The following PCYT1B variants were observed in gnomAD, a reference collection of about 807,000 sequenced individuals.
PCYT1B encodes phosphate cytidylyltransferase 1B, choline, also known as choline-phosphate cytidylyltransferase B.
PCYT1B carries 10 observed loss-of-function variants against 26.4 expected under a neutral mutation model. That is an observed-to-expected ratio of 0.38 (90% CI 0.23 to 0.64). The LOEUF (loss-of-function observed/expected upper bound fraction) is 0.64. Among genes scored for constraint, PCYT1B ranks in the 30% least tolerant of loss-of-function variants. The pLI, the probability that PCYT1B is intolerant of heterozygous loss-of-function variation, is 0.56. For synonymous variants in PCYT1B, 131 were observed against 108.4 expected (o/e 1.21, Z -1.29); for missense variants, 161 against 292.7 (o/e 0.55, Z 3.28).
rs996119726 is a variant in PCYT1B at position 24,629,014 on chromosome X, T to C, written c.118-9930A>G. ...ATTACAACGTATGAAAGCACCTATC[T>C]TGCTGCCATCTCACTGGCATTGAGT... On this transcript the variant is annotated intron_variant, in intron 1 of 7. Transcript: ENST00000379144. Among the ~76,000 whole-genome samples, 4 of 112,130 alleles carry C rather than the reference T, an allele frequency of 3.6e-5. No homozygotes were observed. In the Admixed American group the frequency reaches 3.8e-4, roughly 11 times the overall value.
upstream of PCYT1B, among the ~76,000 whole-genome samples, chrX:24,651,506 TA>T (rs1926780463): frequency 1.7e-5 from 1 of 59,762 alleles, no homozygotes; most frequent in African/African-American, 5.6e-5. Context: ...TATATATATA[TA>T]TATATATTCA....
intron 1 of PCYT1B, among the ~76,000 whole-genome samples, chrX:24,628,136 A>G (rs1034277326): frequency 4.5e-5 from 5 of 111,921 alleles, no homozygotes; most frequent in African/African-American, 1.6e-4. Flanking sequence ...AGAGTATGTG[A>G]TATATAAAGC....
intron 2 of PCYT1B, among the ~76,000 whole-genome samples, chrX:24,608,422 C>T (rs993660688): frequency 3.6e-5 from 4 of 111,757 alleles, no homozygotes; most frequent in Admixed American, 1.9e-4. Flanking sequence ...GCTTATTTCC[C>T]GCTAGAGGAC....
intron 1 of PCYT1B, among the ~76,000 whole-genome samples, chrX:24,630,739 T>C (rs911511132): frequency 8.9e-6 from 1 of 112,238 alleles, no homozygotes; most frequent in African/African-American, 3.2e-5. Flanking sequence ...AAAGTTAATG[T>C]TGTCCTTAAG....
intron 1 of PCYT1B, among the ~76,000 whole-genome samples, chrX:24,661,715 T>C (rs1441021237): frequency 8.9e-6 from 1 of 112,073 alleles, no homozygotes; most frequent in African/African-American, 3.2e-5. Context: ...TTAAATGAGA[T>C]CTAAAAGACA....
At chrX:24,630,309 G>T (rs1466504979) in intron 1 of PCYT1B, among the ~76,000 whole-genome samples, 2 of 111,518 alleles carry the variant, frequency 1.8e-5, no homozygotes, top group Admixed American at 9.6e-5. Context: ...TGTTTGTTTT[G>T]TTTTGAGACA....
chrX:24,637,467 C>T (rs1926309538), intron 1 of PCYT1B, among the ~76,000 whole-genome samples: 1 of 68,247 alleles, frequency 1.5e-5, no homozygotes, highest in Non-Finnish European at 2.4e-5. Flanking sequence ...CATGGTGAAA[C>T]CCCATCTCTA....
At chrX:24,612,951 TA>T (rs1235628716) in intron 2 of PCYT1B, among the ~76,000 whole-genome samples, 2 of 112,495 alleles carry the variant, frequency 1.8e-5, no homozygotes, top group Non-Finnish European at 3.8e-5. Flanking sequence ...AACAGTACCT[TA>T]GAAATACACA....
At chrX:24,646,143 A>C (rs1926616623) in intron 1 of PCYT1B, among the ~76,000 whole-genome samples, 1 of 111,571 alleles carries the variant, frequency 9.0e-6, no homozygotes, top group Non-Finnish European at 1.9e-5. Context: ...GGACCACAGA[A>C]AACCCACCAC....
chrX:24,628,419 A>G (rs1925947117), intron 1 of PCYT1B, among the ~76,000 whole-genome samples: 1 of 111,777 alleles, frequency 8.9e-6, no homozygotes, highest in African/African-American at 3.3e-5. Context: ...AGACAAATAC[A>G]GACTTTAAAC....
chrX:24,650,987 G>A (rs1041178010), upstream of PCYT1B, among the ~76,000 whole-genome samples: 9 of 111,786 alleles, frequency 8.1e-5, no homozygotes, highest in Non-Finnish European at 1.5e-4. Context: ...GCATTATAGT[G>A]TTAGAAAAGC....
chrX:24,656,680 C>A (rs755441801), intron 1 of PCYT1B, among the ~76,000 whole-genome samples: 24 of 105,888 alleles, frequency 2.3e-4, no homozygotes, highest in Non-Finnish European at 4.5e-4. Context: ...CTCAGCCTCC[C>A]GAGTAGCTGG....
intron 2 of PCYT1B, among the ~76,000 whole-genome samples, chrX:24,615,905 C>T (rs192890206): frequency 1.6e-4 from 18 of 111,675 alleles, no homozygotes; most frequent in African/African-American, 5.8e-4. Flanking sequence ...TAAGGCAGAT[C>T]GTTGCAGTAG....
intron 6 of PCYT1B, 46 bp from the exon 7 acceptor site, chrX:24,575,364 G>A: frequency 1.1e-6 from 1 of 934,365 alleles, no homozygotes; most frequent in Non-Finnish European, 1.5e-6. Context: ...TATCCAAGAG[G>A]ACATGAGAGA....
chrX:24,645,398 A>G (rs1265204687), intron 1 of PCYT1B, among the ~76,000 whole-genome samples: 1 of 110,234 alleles, frequency 9.1e-6, no homozygotes. Flanking sequence ...ATATACACAC[A>G]TATATATATT....
At chrX:24,566,710 G>C (rs1196926601) in intron 7 of PCYT1B, among the ~76,000 whole-genome samples, 1 of 111,444 alleles carries the variant, frequency 9.0e-6, no homozygotes, top group Non-Finnish European at 1.9e-5. Context: ...AAGGCCACAG[G>C]CGCATCACCA....
At chrX:24,603,056 G>A (rs974168336) in intron 3 of PCYT1B, among the ~76,000 whole-genome samples, 12 of 111,956 alleles carry the variant, frequency 1.1e-4, no homozygotes, top group African/African-American at 2.9e-4. Flanking sequence ...TGCCTGCCTC[G>A]GCCTCAAAAA....
intron 5 of PCYT1B, among the ~76,000 whole-genome samples, chrX:24,584,127 G>A (rs1283789439): frequency 9.0e-6 from 1 of 111,153 alleles, no homozygotes; most frequent in Non-Finnish European, 1.9e-5. Flanking sequence ...TTGAGCCCAG[G>A]AGTTTGAGAC....
intron 7 of PCYT1B, among the ~76,000 whole-genome samples, chrX:24,567,817 C>T (rs184068176): frequency 1.4e-3 from 157 of 110,167 alleles, no homozygotes; most frequent in Middle Eastern, 4.7e-3. Context: ...GGCATGGTGG[C>T]GGGTGTCTGT....
Sources: allele counts gnomAD v4.1 joint callset (sites outside exome capture counted in the v4.1 genomes callset), GRCh38; gene constraint gnomAD v4.1.1; transcripts MANE v1.5; gene names NCBI Gene and HGNC (gene_info 2026-07-23, HGNC 2026-07-21).